Variants in EDRF1 observed in about 807,000 individuals in gnomAD.
The protein encoded by EDRF1 is erythroid differentiation-related factor 1.
In EDRF1, 69 loss-of-function variants were observed where a neutral mutation model predicts 148.7. The observed-to-expected ratio is 0.46, with a 90% confidence interval of 0.38 to 0.57. The LOEUF is 0.57. Among genes scored for constraint, EDRF1 ranks in the 20% least tolerant of loss-of-function variants. EDRF1 has a pLI of 0.00. For missense variants in EDRF1, 1,118 were observed against 1,478.7 expected, an observed-to-expected ratio of 0.76 and a Z score of 4.00; for synonymous variants, 515 against 532.8, an observed-to-expected ratio of 0.97 and a Z score of 0.46.
intron 22 of EDRF1, 72 bp from the exon 23 acceptor site, chr10:125,752,727 T>G (rs1849702657): frequency 9.9e-7 from 1 of 1,011,322 alleles, no homozygotes; most frequent in Admixed American, 1.8e-5. Flanking sequence ...TGAATTTTCA[T>G]TAATACATTA....
intron 19 of EDRF1, among the ~76,000 whole-genome samples, chr10:125,746,399 T>C (rs1849357487): frequency 6.6e-6 from 1 of 152,010 alleles, no homozygotes; most frequent in Non-Finnish European, 1.5e-5. Flanking sequence ...CAACAGAAAC[T>C]GAAATTGAAA....
At chr10:125,727,717 G>C (rs1489710760) in intron 6 of EDRF1, among the ~76,000 whole-genome samples, 3 of 152,228 alleles carry the variant, frequency 2.0e-5, no homozygotes, top group Admixed American at 6.5e-5. Context: ...GGCACACACA[G>C]ATGACAAGTA....
At chr10:125,757,813 A>G (rs1849988827) in intron 24 of EDRF1, among the ~76,000 whole-genome samples, 1 of 152,032 alleles carries the variant, frequency 6.6e-6, no homozygotes, top group African/African-American at 2.4e-5. Flanking sequence ...ACTTTTGTTC[A>G]TCTGTTAGAA....
chr10:125,728,980 C>A, intron 6 of EDRF1, 23 bp from the exon 7 acceptor site: 1 of 1,543,432 alleles, frequency 6.5e-7, no homozygotes, highest in South Asian at 1.2e-5. Flanking sequence ...CAGAATCACT[C>A]CTTATCCTTG....
chr10:125,760,904 A>T (rs1186200761), intron 24 of EDRF1, among the ~76,000 whole-genome samples: 1 of 152,248 alleles, frequency 6.6e-6, no homozygotes, highest in East Asian at 1.9e-4. Context: ...AGGTATTATA[A>T]GTCATCTAGA....
chr10:125,745,981 A>G, intron 19 of EDRF1, 51 bp downstream of exon 19: 3 of 1,569,570 alleles, frequency 1.9e-6, no homozygotes, highest in East Asian at 2.2e-5. Context: ...CCTGTCATTT[A>G]TTTACATTTT....
chr10:125,761,917 A>G (rs1343091591), intron 24 of EDRF1, among the ~76,000 whole-genome samples: 2 of 151,994 alleles, frequency 1.3e-5, no homozygotes, highest in Non-Finnish European at 2.9e-5. Flanking sequence ...TAAATTTTCT[A>G]TAAGATTATC....
At chr10:125,740,438 C>CT (rs761068303) in intron 15 of EDRF1, 25 bp from the exon 16 acceptor site, 207 of 1,592,808 alleles carry the variant, frequency 1.3e-4, no homozygotes, top group African/African-American at 1.5e-4. Flanking sequence ...AATGTGCTGT[C>CT]TTTTTTTTTC....
chr10:125,749,866 C>G (rs1039954436), intron 22 of EDRF1: 1 of 369,734 alleles, frequency 2.7e-6, no homozygotes, highest in Non-Finnish European at 5.2e-6. Context: ...ATCGGCCAGG[C>G]ACAGTGGCTC....
At chr10:125,753,021 G>A (rs11244634) in intron 23 of EDRF1, 107 bp downstream of exon 23, 15,176 of 773,868 alleles carry the variant, frequency 0.02, 190 homozygotes, top group Middle Eastern at 0.03. Flanking sequence ...ATACACACAT[G>A]TACATATGTA....
chr10:125,750,157 CAAAAA>C (rs111620834), intron 22 of EDRF1, among the ~76,000 whole-genome samples: 1 of 150,564 alleles, frequency 6.6e-6, no homozygotes, highest in African/African-American at 2.4e-5. Flanking sequence ...CAAAAACAAA[CAAAAA>C]AAAAGATTTA....
At chr10:125,738,561 C>T in intron 15 of EDRF1, 116 bp downstream of exon 15, 1 of 1,238,334 alleles carries the variant, frequency 8.1e-7, no homozygotes, top group South Asian at 1.3e-5. Context: ...AAAAAGATAT[C>T]CTGTGAACTG....
In EDRF1 at chr10:125,733,623, T is replaced by C. The variant is rs1220086253; in HGVS notation, c.1277-12T>C. 1.2e-5 allele frequency: 19 copies of C among 1,613,170 alleles called. No homozygotes were observed. The highest frequency in any genetic ancestry group is 1.5e-5 in the Non-Finnish European group (18 of 1,179,230). ...CTGCTGTGAAATGAGTCTTCTTTGT[T>C]TTTCTTTTCAGCAAGTGGCAGCGAT... On this transcript the variant is annotated splice_polypyrimidine_tract_variant and intron_variant, in intron 10 of 24. Coordinates refer to ENST00000356792, the MANE Select transcript of EDRF1 (RefSeq NM_001202438.2).
In EDRF1 at chr10:125,741,004, C is replaced by T. The variant is rs1848991894; in HGVS notation, c.2174C>T (p.Thr725Ile). The change falls in exon 17 of 25, where the codon ACT becomes ATT. Residue 725 changes from threonine (T) to isoleucine (I), a missense_variant. This residue lies in a region of EDRF1 where 954 missense variants were observed against 1,241.4 expected (regional missense o/e 0.77). Transcript: ENST00000356792. ...YIKLALQSHD[T>I]YCCLCTNMLS... Reference sequence around the variant, plus strand: ...TCTTCCCTCCCTTTCTAAACAGATACTTATTGCTGCCTCTGCACCAATATG... The same window carrying T: ...TCTTCCCTCCCTTTCTAAACAGATATTTATTGCTGCCTCTGCACCAATATG... 6.2e-7 allele frequency: 1 copy of T among 1,613,986 alleles called. No homozygotes were observed. Among genetic ancestry groups the T allele is most frequent in the Non-Finnish European group, 8.5e-7 (1 of 1,180,016 alleles).
chr10:125,742,368 G>T, intron 17 of EDRF1: 1 of 1,203,260 alleles, frequency 8.3e-7, no homozygotes, highest in East Asian at 6.3e-5. Flanking sequence ...TGTCTCATGG[G>T]GTTGTTTTAT....
At chr10:125,742,923 T>C in intron 17 of EDRF1, 135 bp from the exon 18 acceptor site, 2 of 1,387,488 alleles carry the variant, frequency 1.4e-6, no homozygotes, top group Non-Finnish European at 1.9e-6. Context: ...AATATTGTTG[T>C]ATTGATTGAA....
rs546110531 is a variant in EDRF1, at chr10:125,739,850, T to G, written c.1982-613T>G. 3.7e-4 allele frequency among the ~76,000 whole-genome samples: 56 copies of G among 152,350 alleles called. No individual in the cohort carries two copies. In the South Asian group the frequency reaches 4.1e-3, roughly 11 times the overall value. ...GGCCATATAACTTCATGTCACAGTT[T>G]CCAGTGCCTGGCACAGTACTTGGCA... On this transcript the variant is annotated intron_variant, in intron 15 of 24. Transcript: ENST00000356792.
In EDRF1 at chr10:125,719,872, T is replaced by C; in HGVS notation, c.65T>C (p.Leu22Pro). Reference protein sequence around the residue: ...PPAGAAARGGLSLLSQGESEE... With the variant: ...PPAGAAARGGPSLLSQGESEE... Reference sequence around the variant, plus strand: ...GCCGGGGCCGCCGCTCGAGGAGGGCTCAGCCTCCTGTCCCAGGGAGAATCC... The same window carrying C: ...GCCGGGGCCGCCGCTCGAGGAGGGCCCAGCCTCCTGTCCCAGGGAGAATCC... Residue 22 changes from leucine to proline, a missense_variant, in exon 1 of 25, where the codon CTC becomes CCC. By Grantham distance (98) the Leu-to-Pro change is moderately conservative (BLOSUM62 -3). Transcript: ENST00000356792. The C allele has an allele frequency of 6.2e-7, 1 of 1,613,114 alleles. No individual in the cohort carries two copies. Among genetic ancestry groups the C allele is most frequent in the Non-Finnish European group, 8.5e-7 (1 of 1,179,856 alleles).
In EDRF1 at chr10:125,763,113, A is replaced by G. The variant is rs1216736343; in HGVS notation, c.3546-188A>G. 1.3e-5 allele frequency among the ~76,000 whole-genome samples: 2 copies of G among 152,202 alleles called. No homozygotes were observed. Among genetic ancestry groups the G allele is most frequent in the African/African-American group, 4.8e-5 (2 of 41,438 alleles). On this transcript the variant is annotated intron_variant, in intron 24 of 24. Coordinates refer to ENST00000356792, the MANE Select transcript of EDRF1 (RefSeq NM_001202438.2). This position sits in a 1 kb window ranked among gnomAD's most constrained non-coding sequence, Gnocchi z 4.3. ...TACTGGATTTCATTGATGTATTGAAATAAATGTGTAGAAACAGGCCCATGA... is the reference window on the plus strand; with the variant it reads ...TACTGGATTTCATTGATGTATTGAAGTAAATGTGTAGAAACAGGCCCATGA...
Sources: allele counts gnomAD v4.1 joint callset (sites outside exome capture counted in the v4.1 genomes callset), GRCh38; gene constraint gnomAD v4.1.1; regional missense constraint gnomAD v4.1.1; non-coding constraint Gnocchi (gnomAD v3.1); transcripts MANE v1.5; gene names NCBI Gene and HGNC (gene_info 2026-07-23, HGNC 2026-07-21).